Variants in FBN1 observed in about 807,000 individuals in gnomAD.
The protein encoded by FBN1 is fibrillin 1, also known as fibrillin-1.
A neutral mutation model predicts 365.1 loss-of-function variants in FBN1; 29 were observed. The observed-to-expected ratio is 0.08, with a 90% confidence interval of 0.06 to 0.11. The LOEUF is 0.11. Among genes scored for constraint, FBN1 ranks in the 10% least tolerant of loss-of-function variants. The pLI, the probability that FBN1 is intolerant of heterozygous loss-of-function variation, is 1.00. For missense variants in FBN1, 2,476 were observed against 3,703.2 expected, an observed-to-expected ratio of 0.67 and a Z score of 8.60; for synonymous variants, 1,210 against 1,270.5, an observed-to-expected ratio of 0.95 and a Z score of 1.01.
chr15:48,635,051 T>C (rs771252134), intron 2 of FBN1, among the ~76,000 whole-genome samples: 4 of 152,148 alleles, frequency 2.6e-5, no homozygotes, highest in Non-Finnish European at 4.4e-5. Flanking sequence ...ATAAAATGGT[T>C]GTACTATATT....
chr15:48,615,477 AT>A (rs899386259), intron 2 of FBN1, among the ~76,000 whole-genome samples: 13 of 152,338 alleles, frequency 8.5e-5, no homozygotes, highest in African/African-American at 2.9e-4. Flanking sequence ...GCATGGTAAT[AT>A]AAACATTCTT....
At chr15:48,640,585 G>A (rs1420376029) in intron 2 of FBN1, among the ~76,000 whole-genome samples, 1 of 152,114 alleles carries the variant, frequency 6.6e-6, no homozygotes, top group Non-Finnish European at 1.5e-5. Context: ...CCATGGGTAT[G>A]AACTGTTCCA....
intron 8 of FBN1, among the ~76,000 whole-genome samples, chr15:48,530,898 A>T (rs1319007686): frequency 6.6e-6 from 1 of 152,218 alleles, no homozygotes; most frequent in Non-Finnish European, 1.5e-5. Context: ...TCTAAATCCC[A>T]AAATATTAGT....
intron 25 of FBN1, among the ~76,000 whole-genome samples, chr15:48,488,805 T>A (rs1431406718): frequency 6.6e-6 from 1 of 152,224 alleles, no homozygotes; most frequent in African/African-American, 2.4e-5. Context: ...ATAGATAATA[T>A]ATTCTAAACC....
At chr15:48,597,504 C>T (rs1009119525) in intron 5 of FBN1, among the ~76,000 whole-genome samples, 2 of 152,160 alleles carry the variant, frequency 1.3e-5, no homozygotes, top group Non-Finnish European at 2.9e-5. Context: ...ATTGTCCTTC[C>T]TTCCCTCCCT....
At position 48,495,660 on chromosome 15, in the gene FBN1, C is replaced by A. The variant is rs920634077; in HGVS notation, c.2420-72G>T. 6 of 1,586,488 alleles carry A rather than the reference C, an allele frequency of 3.8e-6. No individual in the cohort carries two copies. The Admixed American group carries it at 1.0e-4, about 26-fold the overall frequency. On this transcript the variant is annotated intron_variant, in intron 20 of 65. Transcript: ENST00000316623. ...CCTAAAAGAGTACTTCAACTTTGAC[C>A]CCAATTGCTACTACATATCCTTAAT... is the stretch of plus-strand genomic sequence containing the variant.
At chr15:48,566,136 G>A (rs899943916) in intron 6 of FBN1, among the ~76,000 whole-genome samples, 8 of 152,302 alleles carry the variant, frequency 5.3e-5, no homozygotes, top group African/African-American at 1.9e-4. Flanking sequence ...TCTGTAGTAA[G>A]AATAGCAGAA....
intron 63 of FBN1, among the ~76,000 whole-genome samples, chr15:48,417,448 T>TTTCCTTCCTTCCTTCCTTCCTTCCTTCC (rs112725437): frequency 3.3e-5 from 3 of 91,552 alleles, no homozygotes; most frequent in Admixed American, 1.3e-4. Flanking sequence ...CCCTCCCTCC[T>TTTCCTTCCTTCCTTCCTTCCTTCCTTCC]TTCCTTCCTT....
intron 6 of FBN1, 53 bp from the exon 7 acceptor site, chr15:48,537,861 A>G (rs2044027329): frequency 6.4e-7 from 1 of 1,565,608 alleles, no homozygotes; most frequent in Non-Finnish European, 8.8e-7. Context: ...AGGAACCATC[A>G]TGCAGAGGAA....
chr15:48,449,643 T>C (rs2043185455), intron 45 of FBN1, among the ~76,000 whole-genome samples: 1 of 152,216 alleles, frequency 6.6e-6, no homozygotes, highest in South Asian at 2.1e-4. Context: ...TATGACATAA[T>C]TATATGCCAA....
chr15:48,472,153 G>A (rs1431533044), intron 35 of FBN1, among the ~76,000 whole-genome samples: 1 of 152,300 alleles, frequency 6.6e-6, no homozygotes, highest in Admixed American at 6.5e-5. Flanking sequence ...CATATTTAGT[G>A]ATAATCCCAC....
chr15:48,459,997 A>ATGCT lies in FBN1; in HGVS notation c.5296+245_5296+248dup, dbSNP rs1207916288. Among the ~76,000 whole-genome samples, 6 of 152,224 alleles carry ATGCT rather than the reference A, an allele frequency of 3.9e-5. No homozygotes were observed. In the East Asian group the frequency reaches 1.2e-3, roughly 29 times the overall value. On this transcript the variant is annotated intron_variant, in intron 43 of 65. Coordinates refer to ENST00000316623, the MANE Select transcript of FBN1 (RefSeq NM_000138.5). ...GTTGATGCCTAAGGTTGGTGTAACT[A>ATGCT]TGCTTGATTGTAATTTTGGGAAAAG...
intron 13 of FBN1, among the ~76,000 whole-genome samples, chr15:48,512,987 C>T (rs1010091240): frequency 5.3e-5 from 8 of 152,070 alleles, no homozygotes; most frequent in African/African-American, 1.9e-4. Context: ...TATGAGGGGA[C>T]ATTTATAGCA....
rs80192444 is a variant in FBN1, at chr15:48,478,451, T to C, written c.3964+3204A>G. On this transcript the variant is annotated intron_variant, in intron 32 of 65. Transcript: ENST00000316623. ...TCCCGCTATTTTAACTGAAAACAAG[T>C]CTGATTTAATTCCACTTAATGGTAT... Among the ~76,000 whole-genome samples the C allele has an allele frequency of 3.6e-3, 554 of 152,270 alleles. 1 individual carries two copies. Among genetic ancestry groups the C allele is most frequent in the African/African-American group, 0.013 (538 of 41,538 alleles).
chr15:48,644,297 TCTC>T, intron 2 of FBN1: 1 of 406,700 alleles, frequency 2.5e-6, no homozygotes, highest in South Asian at 3.2e-5. Flanking sequence ...GGAACGGGCT[TCTC>T]CTCTTATCCC....
intron 15 of FBN1, among the ~76,000 whole-genome samples, chr15:48,507,200 T>G (rs1295233950): frequency 6.6e-6 from 1 of 152,172 alleles, no homozygotes; most frequent in Non-Finnish European, 1.5e-5. Context: ...AGATTATGTA[T>G]TCTCCTAGGT....
At position 48,432,972 on chromosome 15, in the gene FBN1, G is replaced by T; in HGVS notation, c.6633C>A (p.Ala2211=). 6.2e-7 allele frequency: 1 copy of T among 1,613,406 alleles called. No individual in the cohort carries two copies. Among genetic ancestry groups the T allele is most frequent in the South Asian group, 1.1e-5 (1 of 91,070 alleles). The part of the protein sequence containing the change: ...MMTCEDINEC[A]QNPLLCAFRC... ...GGAAGGCACAGAGCAGAGGATTCTG[G>T]GCACATTCATTTATATCTGCAGCAG... The change falls in exon 55 of 66, where the codon GCC becomes GCA. Residue 2211 remains alanine (A), a synonymous_variant. Coordinates refer to ENST00000316623, the MANE Select transcript of FBN1 (RefSeq NM_000138.5).
At chr15:48,636,284 G>T (rs540346100) in intron 2 of FBN1, among the ~76,000 whole-genome samples, 4 of 152,246 alleles carry the variant, frequency 2.6e-5, no homozygotes, top group Middle Eastern at 3.4e-3. Flanking sequence ...ATGTAGAGAG[G>T]CCACGTATAG....
Position 48,616,104 on chromosome 15 carries a change from A to G in FBN1, c.165-3012T>C, listed in dbSNP as rs750508517. On this transcript the variant is annotated intron_variant, in intron 2 of 65. Coordinates refer to ENST00000316623, the MANE Select transcript of FBN1 (RefSeq NM_000138.5). ...AAACAGAATACTTCTTGTTTTATTC[A>G]TTCACCATTCCCTTTCATTAGTGCA... Among the ~76,000 whole-genome samples the G allele has an allele frequency of 5.3e-5, 8 of 152,208 alleles. No individual in the cohort carries two copies. The South Asian group carries it at 6.2e-4, about 12-fold the overall frequency.
Sources: gnomAD v4.1 joint callset for allele counts (sites outside exome capture counted in the v4.1 genomes callset) on GRCh38, gnomAD v4.1.1 for gene constraint, MANE v1.5 for transcripts, NCBI Gene and HGNC (gene_info 2026-07-23, HGNC 2026-07-21) for gene names.